Variants in NPHP4 observed in about 807,000 individuals in gnomAD.
NPHP4 encodes nephrocystin-4.
In NPHP4, 151 loss-of-function variants were observed where a neutral mutation model predicts 155.8. That is an observed-to-expected ratio of 0.97 (90% CI 0.85 to 1.11). NPHP4 has a LOEUF of 1.11. Ranked by LOEUF, NPHP4 falls within the 50% of genes least tolerant of loss-of-function variation. The pLI, the probability that NPHP4 is intolerant of heterozygous loss-of-function variation, is 0.00. For missense variants in NPHP4, 1,956 were observed against 1,925.7 expected (o/e 1.02, Z -0.29); for synonymous variants, 845 against 816.8 (o/e 1.03, Z -0.59).
intron 11 of NPHP4, among the ~76,000 whole-genome samples, chr1:5,922,583 G>A (rs1250051487): frequency 6.6e-6 from 1 of 152,094 alleles, no homozygotes; most frequent in East Asian, 1.9e-4. Flanking sequence ...CATTTTGGGA[G>A]GCCAAGGTGG....
intron 18 of NPHP4, chr1:5,887,075 C>A (rs903706075): frequency 1.7e-6 from 1 of 578,546 alleles, no homozygotes; most frequent in East Asian, 2.8e-5. Context: ...TGACCTCTAA[C>A]CCCAATCAGA....
rs773569914 is a variant in NPHP4, at chr1:5,947,227, G to A, written c.996C>T (p.Ser332=). 25 of 1,613,500 alleles carry A rather than the reference G, an allele frequency of 1.5e-5. No individual in the cohort carries two copies. The highest frequency in any genetic ancestry group is 5.0e-5 in the Admixed American group (3 of 60,004). The change falls in exon 9 of 30, where the codon TCC becomes TCT. Residue 332 remains serine (S), a synonymous_variant. Transcript: ENST00000378156. ...TTCTCAAAACCAGAGCTTGGCTCCC[G>A]GAGCTGGGTCAGAAACACAAACCAG... ...RKVVSSSKTS[S]GSQALVLRSR...
rs3747989 is a variant in NPHP4 at position 5,877,331 on chromosome 1, C to T, written c.2612-33G>A. 0.8 allele frequency: 1,237,850 copies of T among 1,538,150 alleles called. 498,982 individuals are homozygous for T. Among genetic ancestry groups the T allele is most frequent in the African/African-American group, 0.93 (69,059 of 73,914 alleles). On this transcript the variant is annotated intron_variant, in intron 19 of 29. Coordinates refer to ENST00000378156, the MANE Select transcript of NPHP4 (RefSeq NM_015102.5). The stretch of plus-strand genomic sequence containing the variant: ...AGGGTCAGAGCGCGAGTCAGGTAGA[C>T]GTGCAGTGTCTGCCTTCCAGGAGCA...
At chr1:5,984,235 T>C (rs1166006231) in intron 2 of NPHP4, among the ~76,000 whole-genome samples, 1 of 152,196 alleles carries the variant, frequency 6.6e-6, no homozygotes, top group Non-Finnish European at 1.5e-5. Flanking sequence ...CTGAATTTTT[T>C]TGAAAAGCAA....
rs550025989 is a variant in NPHP4, at chr1:5,869,181, GCA to G, written c.3316-1287_3316-1286del. On this transcript the variant is annotated intron_variant, in intron 23 of 29. Transcript: ENST00000378156. ...ACACACGCACCCACATGCACACAAT[GCA>G]CACATACATGCACACATATCCACCC... Among the ~76,000 whole-genome samples, 559 of 128,112 alleles carry G rather than the reference GCA, an allele frequency of 4.4e-3. 3 individuals carry two copies. Among genetic ancestry groups the G allele is most frequent in the African/African-American group, 0.015 (521 of 34,420 alleles). 84.0% of individuals were successfully genotyped at this position (128,112 alleles called of 152,430 possible).
rs558001283 is a variant in NPHP4 at position 5,909,340 on chromosome 1, G to A, written c.1442-127C>T. Reference sequence around the variant, plus strand: ...CACCTTGTCTGTAACAGGGGCAGCCGCTGGTTACCGTTCAGGGGCAACAGC... The same window carrying A: ...CACCTTGTCTGTAACAGGGGCAGCCACTGGTTACCGTTCAGGGGCAACAGC... On this transcript the variant is annotated intron_variant, in intron 11 of 29. Transcript: ENST00000378156. 4,425 of 757,340 alleles carry A rather than the reference G, an allele frequency of 5.8e-3. 29 individuals are homozygous for A. Among genetic ancestry groups the A allele is most frequent in the South Asian group, 8.6e-3 (583 of 67,444 alleles). 46.9% of individuals were successfully genotyped at this position (757,340 alleles called of 1,614,324 possible).
intron 2 of NPHP4, among the ~76,000 whole-genome samples, chr1:5,982,442 C>A (rs1295682441): frequency 6.6e-6 from 1 of 152,176 alleles, no homozygotes; most frequent in Non-Finnish European, 1.5e-5. Flanking sequence ...TCTAGGTTTA[C>A]GTAAGTACAT....
At chr1:5,896,946 C>G (rs778261452) in intron 16 of NPHP4, among the ~76,000 whole-genome samples, 2 of 152,182 alleles carry the variant, frequency 1.3e-5, no homozygotes, top group South Asian at 4.1e-4. Context: ...CAGGAGACCG[C>G]AGCCACGCTC....
chr1:5,934,572 C>A (rs1428775446), intron 9 of NPHP4, among the ~76,000 whole-genome samples: 3 of 152,162 alleles, frequency 2.0e-5, no homozygotes, highest in Non-Finnish European at 4.4e-5. Context: ...ACAGCTGCAC[C>A]CTTCAGGGGT....
At position 5,874,919 on chromosome 1, in the gene NPHP4, T is replaced by C; in HGVS notation, c.2999A>G (p.Asn1000Ser). ...FFEFVLKNPHNTQHTVTVEID... is the reference protein window; with the variant it reads ...FFEFVLKNPHSTQHTVTVEID... ...CTCCACAGTCACCGTGTGCTGTGTG[T>C]TGTGGGGGTTCTTAAGCACAAACTC... The change falls in exon 21 of 30, where the codon AAC becomes AGC. Residue 1000 changes from asparagine (N) to serine (S), a missense_variant. Coordinates refer to ENST00000378156, the MANE Select transcript of NPHP4 (RefSeq NM_015102.5). 1.2e-6 allele frequency: 2 copies of C among 1,613,412 alleles called. No homozygotes were observed. Among genetic ancestry groups the C allele is most frequent in the Non-Finnish European group, 1.7e-6 (2 of 1,179,788 alleles).
At chr1:5,907,003 C>T (rs926052778) in intron 13 of NPHP4, 112 bp downstream of exon 13, 4 of 539,420 alleles carry the variant, frequency 7.4e-6, no homozygotes, top group Admixed American at 3.8e-5. Context: ...CCAGGTAACC[C>T]GCCAAGGTCT....
intron 11 of NPHP4, among the ~76,000 whole-genome samples, chr1:5,913,605 C>T (rs1428084694): frequency 6.6e-6 from 1 of 152,220 alleles, no homozygotes; most frequent in Non-Finnish European, 1.5e-5. Flanking sequence ...CCCGGGAGGC[C>T]ACGCATCCCA....
chr1:5,954,299 A>G (rs1368082365), intron 6 of NPHP4, among the ~76,000 whole-genome samples: 1 of 152,258 alleles, frequency 6.6e-6, no homozygotes, highest in East Asian at 1.9e-4. Flanking sequence ...ACTGTCAAAG[A>G]TTTAATAAAT....
At position 5,905,383 on chromosome 1, in the gene NPHP4, C is replaced by T. The variant is rs1270711258; in HGVS notation, c.1864G>A (p.Ala622Thr). The change falls in exon 15 of 30, where the codon GCT (alanine) becomes ACT (threonine). Residue 622 changes from alanine to threonine, a missense_variant. Physicochemically the swap from Ala to Thr is moderately conservative, Grantham distance 58. Coordinates refer to ENST00000378156, the MANE Select transcript of NPHP4 (RefSeq NM_015102.5). This position sits in a 1 kb window ranked among gnomAD's most constrained non-coding sequence, Gnocchi z 4.0. ...ANKQPAEAVSATEPVTFNPQK... is the reference protein window; with the variant it reads ...ANKQPAEAVSTTEPVTFNPQK... ...GGGTTAAACGTCACAGGTTCTGTAGCGCTGACAGCCTCGGCTGGCTGTTTA... is the reference window on the plus strand; with the variant it reads ...GGGTTAAACGTCACAGGTTCTGTAGTGCTGACAGCCTCGGCTGGCTGTTTA... The T allele has an allele frequency of 1.5e-5, 25 of 1,613,400 alleles. No individual in the cohort carries two copies. The highest frequency in any genetic ancestry group is 1.6e-4 in the Middle Eastern group (1 of 6,084).
intron 3 of NPHP4, among the ~76,000 whole-genome samples, chr1:5,973,785 G>A (rs559226276): frequency 6.6e-5 from 10 of 152,160 alleles, no homozygotes; most frequent in Non-Finnish European, 8.8e-5. Context: ...CCAAGACTAC[G>A]GCAGTGGTTT....
intron 22 of NPHP4, chr1:5,873,813 T>C: frequency 3.7e-6 from 1 of 268,804 alleles, no homozygotes; most frequent in South Asian, 3.7e-5. Flanking sequence ...AGTGCACACC[T>C]GCACACACAC....
At chr1:5,912,650 C>T (rs1321023324) in intron 11 of NPHP4, among the ~76,000 whole-genome samples, 3 of 151,990 alleles carry the variant, frequency 2.0e-5, no homozygotes, top group South Asian at 2.1e-4. Context: ...TGCTAGGAAA[C>T]GCGTATTCCT....
At chr1:5,878,958 C>A (rs944421158) in intron 19 of NPHP4, among the ~76,000 whole-genome samples, 17 of 152,366 alleles carry the variant, frequency 1.1e-4, no homozygotes, top group African/African-American at 4.1e-4. Context: ...CTGGCCAAGT[C>A]ACCTGACCTC....
intron 19 of NPHP4, among the ~76,000 whole-genome samples, chr1:5,879,784 C>A (rs1181325503): frequency 3.7e-5 from 5 of 136,510 alleles, no homozygotes; most frequent in Non-Finnish European, 6.0e-5. Context: ...TGCGCACACA[C>A]ACACACACAC....
Sources: allele counts gnomAD v4.1 joint callset (sites outside exome capture counted in the v4.1 genomes callset), GRCh38; gene constraint gnomAD v4.1.1; non-coding constraint Gnocchi (gnomAD v3.1); transcripts MANE v1.5; gene names NCBI Gene and HGNC (gene_info 2026-07-23, HGNC 2026-07-21).